SPTBN2: variants seen among roughly 807,000 people sequenced by gnomAD.
The protein encoded by SPTBN2 is spectrin beta, non-erythrocytic 2, also known as spectrin beta chain, non-erythrocytic 2.
A neutral mutation model predicts 284.2 loss-of-function variants in SPTBN2; 107 were observed. The ratio of observed to expected loss-of-function variants is 0.38; its 90% CI spans 0.32 to 0.44. The LOEUF is 0.44. Ranked by LOEUF, SPTBN2 falls within the 20% of genes least tolerant of loss-of-function variation. The pLI is 1.00. For synonymous variants in SPTBN2, 1,289 were observed against 1,354.8 expected (o/e 0.95, Z 1.07); for missense variants, 2,569 against 3,287.1 (o/e 0.78, Z 5.34).
intron 1 of SPTBN2, among the ~76,000 whole-genome samples, chr11:66,723,135 G>A (rs1166807379): frequency 1.3e-5 from 2 of 151,624 alleles, no homozygotes; most frequent in Non-Finnish European, 2.9e-5. Flanking sequence ...CACTACTTAC[G>A]GCTCTAACTT....
chr11:66,694,430 C>A, intron 21 of SPTBN2, 67 bp from the exon 22 acceptor site: 1 of 1,487,710 alleles, frequency 6.7e-7, no homozygotes, highest in Non-Finnish European at 9.2e-7. Flanking sequence ...GCAGAGACAC[C>A]AACCAGTCTC....
intron 1 of SPTBN2, among the ~76,000 whole-genome samples, chr11:66,734,904 A>AAGCAGC (rs547474699): frequency 1.3e-5 from 2 of 152,168 alleles, no homozygotes; most frequent in Non-Finnish European, 2.9e-5. Flanking sequence ...TCCATCACTT[A>AAGCAGC]AGCAGCAGCA....
At position 66,700,767 on chromosome 11, in the gene SPTBN2, C is replaced by G. The variant is rs763945497; in HGVS notation, c.3332G>C (p.Arg1111Pro). 1.9e-6 allele frequency: 3 copies of G among 1,602,112 alleles called. No individual in the cohort carries two copies. Among genetic ancestry groups the G allele is most frequent in the Non-Finnish European group, 2.5e-6 (3 of 1,179,770 alleles). The change falls in exon 17 of 38, where the codon CGG becomes CCG. Residue 1111 changes from arginine to proline, a missense_variant. By Grantham distance (103) the Arg-to-Pro change is moderately radical. Transcript: ENST00000533211. This position sits in a 1 kb window ranked among gnomAD's most constrained non-coding sequence, Gnocchi z 6.6. The stretch of plus-strand genomic sequence containing the variant: ...GCTCTGGGCCCGCTCCACCTCTCCC[C>G]GCAGGGCTGCATGTTGGGCCAGGAG... ...EALLAQHAALRGEVERAQSEY... is the reference protein window; with the variant it reads ...EALLAQHAALPGEVERAQSEY...
At position 66,700,600 on chromosome 11, in the gene SPTBN2, G is replaced by A. The variant is rs1340763076; in HGVS notation, c.3499C>T (p.Arg1167Cys). 6.2e-6 allele frequency: 10 copies of A among 1,607,744 alleles called. No homozygotes were observed. Among genetic ancestry groups the A allele is most frequent in the Middle Eastern group, 1.7e-4 (1 of 6,036 alleles). ...LGRMWESRQG[R>C]LAQAHGFQGF... ...TGGAAGCCGTGGGCCTGGGCCAGGC[G>A]ACCTTGCCGGCTCTCCCACATTCGG... Residue 1167 changes from arginine to cysteine, a missense_variant, in exon 17 of 38, where the codon CGC (arginine) becomes TGC (cysteine). Physicochemically the swap from Arg to Cys is radical, Grantham distance 180 (BLOSUM62 -3). Transcript: ENST00000533211. This position sits in a 1 kb window ranked among gnomAD's most constrained non-coding sequence, Gnocchi z 6.6.
intron 26 of SPTBN2, among the ~76,000 whole-genome samples, chr11:66,692,238 TA>T (rs1169880521): frequency 1.3e-5 from 2 of 151,974 alleles, no homozygotes; most frequent in African/African-American, 4.8e-5. Context: ...GCCTGGCTAA[TA>T]AAAAAAAATT....
rs115414313 is a variant in SPTBN2, at chr11:66,715,630, G to A, written c.309+200C>T. On this transcript the variant is annotated intron_variant, in intron 4 of 37. Coordinates refer to ENST00000533211, the MANE Select transcript of SPTBN2 (RefSeq NM_006946.4). This position sits in a 1 kb window ranked among gnomAD's most constrained non-coding sequence, Gnocchi z 5.3. The stretch of plus-strand genomic sequence containing the variant: ...TGGGAAAAGAAATGTTTTCAATGGG[G>A]CCACTGTTCCTGTCTCCATGAAGCA... 9.6e-4 allele frequency among the ~76,000 whole-genome samples: 146 copies of A among 152,316 alleles called. No individual in the cohort carries two copies. Among genetic ancestry groups the A allele is most frequent in the African/African-American group, 3.3e-3 (139 of 41,566 alleles).
Position 66,710,475 on chromosome 11 carries a change from A to G in SPTBN2, c.1073+107T>C. ...GATGCTTCTGGTGTGGGAAATCTCC[A>G]CTGCATTTATGTACTGCCAAATTTC... On this transcript the variant is annotated intron_variant, in intron 10 of 37. Coordinates refer to ENST00000533211, the MANE Select transcript of SPTBN2 (RefSeq NM_006946.4). This position sits in a 1 kb window ranked among gnomAD's most constrained non-coding sequence, Gnocchi z 4.9. 1.8e-6 allele frequency: 2 copies of G among 1,118,684 alleles called. No individual in the cohort carries two copies. Among genetic ancestry groups the G allele is most frequent in the Non-Finnish European group, 2.6e-6 (2 of 762,120 alleles). The allele number at this position is 1,118,684 out of a possible 1,614,324, so 69.3% of individuals were successfully genotyped here. A position where few individuals can be genotyped will look rare whatever the true frequency, so the allele number is the denominator to read the frequency against.
chr11:66,739,449 A>G (rs1464532733), intron 1 of SPTBN2, among the ~76,000 whole-genome samples: 1 of 152,212 alleles, frequency 6.6e-6, no homozygotes, highest in Non-Finnish European at 1.5e-5. Context: ...TTCTCCCAGG[A>G]ATATAGTTAA....
At chr11:66,714,254 G>A in intron 6 of SPTBN2, 62 bp downstream of exon 6, 2 of 1,607,644 alleles carry the variant, frequency 1.2e-6, no homozygotes, top group South Asian at 2.2e-5. Context: ...CATGGTTCCT[G>A]GAGCCCAGCA....
At chr11:66,713,219 TAA>T (rs113666247) in intron 8 of SPTBN2, among the ~76,000 whole-genome samples, 1,588 of 136,632 alleles carry the variant, frequency 0.012, 36 homozygotes, top group African/African-American at 0.04. Context: ...AGTCTTTTGT[TAA>T]AAAAAAAAAA....
At position 66,710,665 on chromosome 11, in the gene SPTBN2, G is replaced by A; in HGVS notation, c.990C>T (p.Asp330=). Residue 330 remains aspartate (D), a synonymous_variant, in exon 10 of 38, where the codon GAC becomes GAT. Coordinates refer to ENST00000533211, the MANE Select transcript of SPTBN2 (RefSeq NM_006946.4). This position sits in a 1 kb window ranked among gnomAD's most constrained non-coding sequence, Gnocchi z 4.9. ...WIEQTIVTLN[D]RQLANSLSGV... is the part of the protein sequence containing the mutation. Reference sequence around the variant, plus strand: ...CGCTAAGGGAGTTGGCCAACTGCCGGTCATTGAGGGTCACGATCGTTTGCT... The same window carrying A: ...CGCTAAGGGAGTTGGCCAACTGCCGATCATTGAGGGTCACGATCGTTTGCT... The A allele has an allele frequency of 1.2e-6, 2 of 1,614,198 alleles. No homozygotes were observed. The highest frequency in any genetic ancestry group is 1.7e-6 in the Non-Finnish European group (2 of 1,180,022).
rs2135344857 is a variant in SPTBN2, at chr11:66,691,770, T to C, written c.5191-112A>G. 1.3e-6 allele frequency: 2 copies of C among 1,492,158 alleles called. No individual in the cohort carries two copies. Among genetic ancestry groups the C allele is most frequent in the Non-Finnish European group, 1.8e-6 (2 of 1,090,918 alleles). 92.4% of individuals were successfully genotyped at this position (1,492,158 alleles called of 1,614,324 possible). On this transcript the variant is annotated intron_variant, in intron 26 of 37. Transcript: ENST00000533211. This position sits in a 1 kb window ranked among gnomAD's most constrained non-coding sequence, Gnocchi z 8.0. ...TCAGAACCCACCTCTCCCCGCTGCA[T>C]GGGGGCCGGGACAGGTTTCTTCCCT...
At chr11:66,695,144 A>C (rs1443517770) in intron 21 of SPTBN2, among the ~76,000 whole-genome samples, 2 of 151,988 alleles carry the variant, frequency 1.3e-5, no homozygotes, top group African/African-American at 4.8e-5. Flanking sequence ...CCTCAACCCC[A>C]GAGGTGTCAG....
chr11:66,698,469 T>C (rs1941057061), intron 20 of SPTBN2, among the ~76,000 whole-genome samples, 170 bp downstream of exon 20: 1 of 152,266 alleles, frequency 6.6e-6, no homozygotes, highest in Non-Finnish European at 1.5e-5. Context: ...GTCCCACTCT[T>C]TGTCTCCAAC....
Position 66,708,026 on chromosome 11 carries a change from AC to A in SPTBN2, c.1350+114del. The A allele has an allele frequency of 5.2e-6, 8 of 1,545,630 alleles. No individual in the cohort carries two copies. Among genetic ancestry groups the A allele is most frequent in the Non-Finnish European group, 7.1e-6 (8 of 1,124,558 alleles). ...GGCTCCCGGACCTCTAGGCCTTTTT[AC>A]CCAGGTGACGGATTTTGTGTTTCAT... On this transcript the variant is annotated intron_variant, in intron 12 of 37. Coordinates refer to ENST00000533211, the MANE Select transcript of SPTBN2 (RefSeq NM_006946.4). The surrounding 1 kb of genome is among the most constrained non-coding windows in gnomAD (Gnocchi z 4.4).
chr11:66,736,109 A>T (rs1942849992), intron 1 of SPTBN2, among the ~76,000 whole-genome samples: 1 of 152,190 alleles, frequency 6.6e-6, no homozygotes, highest in Non-Finnish European at 1.5e-5. Context: ...GCCAAGATAA[A>T]GTGCCACATC....
At position 66,687,807 on chromosome 11, in the gene SPTBN2, A is replaced by ACCACCC; in HGVS notation, c.6501+55_6501+60dup. On this transcript the variant is annotated intron_variant, in intron 34 of 37. Transcript: ENST00000533211. This position sits in a 1 kb window ranked among gnomAD's most constrained non-coding sequence, Gnocchi z 5.2. ...CCCCAGTACTCCCCCACCCGCACTC[A>ACCACCC]CCACCCCCTCTGGACCCTTCGCCTC... 3 of 1,604,908 alleles carry ACCACCC rather than the reference A, an allele frequency of 1.9e-6. No homozygotes were observed. Among genetic ancestry groups the ACCACCC allele is most frequent in the Non-Finnish European group, 2.6e-6 (3 of 1,172,796 alleles).
chr11:66,726,311 A>T (rs141641889), intron 1 of SPTBN2, among the ~76,000 whole-genome samples: 8 of 152,340 alleles, frequency 5.3e-5, no homozygotes, highest in African/African-American at 1.9e-4. Context: ...ACTTCCATGA[A>T]TCACAACAAC....
chr11:66,690,982 T>C (rs1306990493), intron 27 of SPTBN2, among the ~76,000 whole-genome samples: 1 of 152,140 alleles, frequency 6.6e-6, no homozygotes, highest in Non-Finnish European at 1.5e-5. Context: ...CATGCCTGGC[T>C]AATTTTGTAT....
Sources: allele counts gnomAD v4.1 joint callset (sites outside exome capture counted in the v4.1 genomes callset), GRCh38; gene constraint gnomAD v4.1.1; non-coding constraint Gnocchi (gnomAD v3.1); transcripts MANE v1.5; gene names NCBI Gene and HGNC (gene_info 2026-07-23, HGNC 2026-07-21).